PDGFC: variants seen among roughly 807,000 people sequenced by gnomAD.
PDGFC encodes platelet-derived growth factor C.
Under a neutral mutation model 35.5 loss-of-function variants are expected in PDGFC, and 12 were observed. The observed-to-expected ratio is 0.34, with a 90% CI of 0.22 to 0.55. The LOEUF is 0.55. Ranked by LOEUF, PDGFC falls within the 20% of genes least tolerant of loss-of-function variation. The pLI is 0.91. For synonymous variants in PDGFC, 159 were observed against 148.8 expected (o/e 1.07, Z -0.50); for missense variants, 322 against 412.4 (o/e 0.78, Z 1.90).
intron 2 of PDGFC, among the ~76,000 whole-genome samples, chr4:156,815,452 G>T (rs1732060800): frequency 6.6e-6 from 1 of 151,854 alleles, no homozygotes; most frequent in Non-Finnish European, 1.5e-5. Context: ...CATTAAATCA[G>T]GTCGTCTGCT....
At chr4:156,800,764 C>T (rs970570699) in intron 3 of PDGFC, among the ~76,000 whole-genome samples, 1 of 152,160 alleles carries the variant, frequency 6.6e-6, no homozygotes, top group Non-Finnish European at 1.5e-5. Flanking sequence ...AAAATTGTAA[C>T]TGTGAGAAGA....
chr4:156,954,472 G>C, intron 1 of PDGFC, among the ~76,000 whole-genome samples: 1 of 151,900 alleles, frequency 6.6e-6, no homozygotes, highest in Admixed American at 6.6e-5. Flanking sequence ...ATGTTAACTA[G>C]AAAGAGCAAA....
intron 2 of PDGFC, among the ~76,000 whole-genome samples, chr4:156,825,743 A>G (rs1372964031): frequency 6.6e-6 from 1 of 151,808 alleles, no homozygotes; most frequent in Non-Finnish European, 1.5e-5. Flanking sequence ...AAGGGACCCT[A>G]TAGGCTGCTC....
chr4:156,833,910 A>C (rs975383463), intron 2 of PDGFC, among the ~76,000 whole-genome samples: 3 of 152,218 alleles, frequency 2.0e-5, no homozygotes, highest in Non-Finnish European at 4.4e-5. Flanking sequence ...AGGAATCAAC[A>C]TATTGTAGCA....
At chr4:156,833,687 T>C (rs1340544059) in intron 2 of PDGFC, among the ~76,000 whole-genome samples, 1 of 152,214 alleles carries the variant, frequency 6.6e-6, no homozygotes, top group Non-Finnish European at 1.5e-5. Flanking sequence ...AGTGATAATT[T>C]TATTCTTATA....
intron 2 of PDGFC, among the ~76,000 whole-genome samples, chr4:156,836,516 A>G (rs1049874167): frequency 2.0e-5 from 3 of 152,178 alleles, no homozygotes; most frequent in Non-Finnish European, 4.4e-5. Context: ...GTTTTGGTTA[A>G]TGATAATACT....
chr4:156,821,572 G>C lies in PDGFC; in HGVS notation c.315-10555C>G, dbSNP rs187321198. Among the ~76,000 whole-genome samples, 915 of 152,096 alleles carry C rather than the reference G, an allele frequency of 6.0e-3. 5 individuals are homozygous for C. Among genetic ancestry groups the C allele is most frequent in the South Asian group, 0.036 (172 of 4,804 alleles). ...TATTTTATTTTATCTTTTCGAGACAGGGTCTTGCTCTGTAGCCCAGGCTGG... is the reference window on the plus strand; with the variant it reads ...TATTTTATTTTATCTTTTCGAGACACGGTCTTGCTCTGTAGCCCAGGCTGG... On this transcript the variant is annotated intron_variant, in intron 2 of 5. Transcript: ENST00000502773.
chr4:156,799,977 T>C (rs1044702634), intron 3 of PDGFC, among the ~76,000 whole-genome samples: 2 of 152,178 alleles, frequency 1.3e-5, no homozygotes, highest in Non-Finnish European at 2.9e-5. Context: ...AGGAATAGCA[T>C]ACAGGTGTTT....
chr4:156,969,517 T>C (rs1473753054), intron 1 of PDGFC, among the ~76,000 whole-genome samples: 2 of 152,244 alleles, frequency 1.3e-5, no homozygotes, highest in Non-Finnish European at 2.9e-5. Context: ...GCAGAATCCT[T>C]ATTTTATCTA....
intron 1 of PDGFC, among the ~76,000 whole-genome samples, chr4:156,959,587 G>C (rs1352887019): frequency 2.0e-5 from 3 of 151,942 alleles, no homozygotes; most frequent in Non-Finnish European, 4.4e-5. Context: ...TTGTAGTTTT[G>C]AAACACCACA....
At chr4:156,953,293 C>T (rs765707298) in intron 1 of PDGFC, among the ~76,000 whole-genome samples, 2 of 151,868 alleles carry the variant, frequency 1.3e-5, no homozygotes, top group African/African-American at 2.4e-5. Flanking sequence ...TCTCAAAGAG[C>T]CAAATCAAAC....
chr4:156,825,519 T>C (rs1023706068), intron 2 of PDGFC, among the ~76,000 whole-genome samples: 3 of 145,252 alleles, frequency 2.1e-5, no homozygotes, highest in Non-Finnish European at 3.0e-5. Context: ...CACCACACTA[T>C]AGACTTTCTG....
In PDGFC at chr4:156,810,848, T is replaced by C. The variant is rs765374743; in HGVS notation, c.484A>G (p.Ile162Val). The C allele has an allele frequency of 3.1e-6, 5 of 1,594,498 alleles. No homozygotes were observed. In the African/African-American group the frequency reaches 4.0e-5, roughly 13 times the overall value. Residue 162 changes from isoleucine (I) to valine (V), a missense_variant, in exon 3 of 6, where the codon ATT becomes GTT. Around this residue, in one of 2 missense-constraint regions of PDGFC, gnomAD observed 202 missense variants for 295.9 expected, o/e 0.68. Transcript: ENST00000502773. ...SEPGFCIHYN[I>V]VMPQFTEAVS... ...AAAGTGGTACTTACTGGCATGACAA[T>C]GTTGTAGTGGATGCAGAACCCTGGT...
At chr4:156,823,652 T>C (rs1170106224) in intron 2 of PDGFC, among the ~76,000 whole-genome samples, 3 of 152,192 alleles carry the variant, frequency 2.0e-5, no homozygotes, top group Non-Finnish European at 4.4e-5. Context: ...TGTAAACTAG[T>C]ACAGCCATTG....
intron 3 of PDGFC, among the ~76,000 whole-genome samples, chr4:156,792,988 T>C (rs1579011852): frequency 6.6e-6 from 1 of 152,098 alleles, no homozygotes; most frequent in South Asian, 2.1e-4. Flanking sequence ...GAACCTGAAA[T>C]TCCTGTACTA....
At chr4:156,847,202 T>C (rs1368629247) in intron 2 of PDGFC, among the ~76,000 whole-genome samples, 1 of 151,378 alleles carries the variant, frequency 6.6e-6, no homozygotes, top group Non-Finnish European at 1.5e-5. Flanking sequence ...TAATAGAATA[T>C]GAAAGAAAAA....
chr4:156,948,215 TAAAA>T (rs571372509), intron 1 of PDGFC, among the ~76,000 whole-genome samples: 4 of 102,656 alleles, frequency 3.9e-5, no homozygotes, highest in African/African-American at 3.6e-5. Flanking sequence ...GATGTACAGC[TAAAA>T]AAAAAAAAAA....
At chr4:156,852,460 C>G (rs1729480461) in intron 1 of PDGFC, among the ~76,000 whole-genome samples, 2 of 152,138 alleles carry the variant, frequency 1.3e-5, no homozygotes, top group South Asian at 2.1e-4. Flanking sequence ...TTCCAGAAAC[C>G]TAAGTCCCTT....
intron 2 of PDGFC, among the ~76,000 whole-genome samples, chr4:156,825,571 A>ATAATAATAATAATAATAATAATAC (rs1732425088): frequency 2.9e-5 from 3 of 103,560 alleles, no homozygotes; most frequent in African/African-American, 1.3e-4. Flanking sequence ...AATAATAATA[A>ATAATAATAATAATAATAATAATAC]TAATAATAAT....
Sources: allele counts gnomAD v4.1 joint callset (sites outside exome capture counted in the v4.1 genomes callset), GRCh38; gene constraint gnomAD v4.1.1; regional missense constraint gnomAD v4.1.1; transcripts MANE v1.5; gene names NCBI Gene and HGNC (gene_info 2026-07-23, HGNC 2026-07-21).